Variants in TSPAN18 observed in about 807,000 individuals in gnomAD.
TSPAN18 encodes tetraspanin 18.
A neutral mutation model predicts 27.3 loss-of-function variants in TSPAN18; 14 were observed. The observed-to-expected ratio is 0.51, with a 90% CI of 0.34 to 0.80. The LOEUF is 0.80. TSPAN18 is among the 30% of genes least tolerant of loss of function. TSPAN18 has a pLI of 0.01. For missense variants in TSPAN18, 268 were observed against 323.9 expected (o/e 0.83, Z 1.32); for synonymous variants, 143 against 136.5 (o/e 1.05, Z -0.33).
At chr11:44,874,813 T>A (rs1024744342) in intron 3 of TSPAN18, among the ~76,000 whole-genome samples, 4 of 152,192 alleles carry the variant, frequency 2.6e-5, no homozygotes, top group Non-Finnish European at 5.9e-5. Context: ...TTTGAGGATC[T>A]TCCAGCCCTC....
chr11:44,927,791 CCT>C (rs1860423944), intron 9 of TSPAN18, among the ~76,000 whole-genome samples: 1 of 152,164 alleles, frequency 6.6e-6, no homozygotes, highest in Non-Finnish European at 1.5e-5. Flanking sequence ...CCCAGCTCTG[CCT>C]CTCTCCAAAT....
intron 3 of TSPAN18, among the ~76,000 whole-genome samples, chr11:44,891,919 T>C (rs1295070588): frequency 6.6e-6 from 1 of 151,590 alleles, no homozygotes; most frequent in African/African-American, 2.4e-5. Flanking sequence ...GAATCAAGAG[T>C]GTTATGGTGT....
chr11:44,806,337 T>A (rs1355864389), intron 2 of TSPAN18, among the ~76,000 whole-genome samples: 1 of 152,158 alleles, frequency 6.6e-6, no homozygotes, highest in African/African-American at 2.4e-5. Flanking sequence ...GCCTGGCCAA[T>A]ATTTAAAGCA....
intron 1 of TSPAN18, among the ~76,000 whole-genome samples, chr11:44,741,843 G>GC (rs1183294120): frequency 6.6e-6 from 1 of 152,204 alleles, no homozygotes; most frequent in Non-Finnish European, 1.5e-5. Flanking sequence ...CTGGTGCTGG[G>GC]CATGGGAACG....
intron 2 of TSPAN18, among the ~76,000 whole-genome samples, chr11:44,771,584 A>AGATAGGATATCAGGATATATATCT (rs1187823988): frequency 1.3e-5 from 2 of 152,242 alleles, no homozygotes; most frequent in African/African-American, 4.8e-5. Context: ...CTGGATATAC[A>AGATAGGATATCAGGATATATATCT]GATAGGATAT....
chr11:44,892,150 A>G (rs989473247), intron 3 of TSPAN18, among the ~76,000 whole-genome samples: 1 of 152,056 alleles, frequency 6.6e-6, no homozygotes, highest in African/African-American at 2.4e-5. Context: ...TGCTTATACC[A>G]TCTCCCAGAA....
At chr11:44,880,505 C>T (rs1858460429) in intron 3 of TSPAN18, among the ~76,000 whole-genome samples, 3 of 152,210 alleles carry the variant, frequency 2.0e-5, no homozygotes, top group Admixed American at 2.0e-4. Context: ...TCTCCTGGCA[C>T]ATGGGGCATA....
chr11:44,856,437 C>T (rs919617570), intron 2 of TSPAN18, among the ~76,000 whole-genome samples: 1 of 152,144 alleles, frequency 6.6e-6, no homozygotes, highest in Admixed American at 6.5e-5. Context: ...GGTCTCTCTG[C>T]CTATAGTGCC....
At chr11:44,846,618 C>G (rs372015399) in intron 2 of TSPAN18, among the ~76,000 whole-genome samples, 2 of 81,156 alleles carry the variant, frequency 2.5e-5, no homozygotes, top group African/African-American at 4.2e-5. Flanking sequence ...GTGTGTGTGT[C>G]TATGTGTCTA....
chr11:44,765,777 G>T (rs1855555360), intron 2 of TSPAN18, among the ~76,000 whole-genome samples: 1 of 152,202 alleles, frequency 6.6e-6, no homozygotes, highest in Non-Finnish European at 1.5e-5. Flanking sequence ...TCTCTCTGAA[G>T]TTCCATGTCC....
chr11:44,739,580 C>T (rs369963395), intron 1 of TSPAN18, among the ~76,000 whole-genome samples: 32 of 152,306 alleles, frequency 2.1e-4, no homozygotes, highest in African/African-American at 6.3e-4. Context: ...GCTGAAATTA[C>T]GCCAATGCAT....
chr11:44,747,693 C>A (rs918194791), intron 1 of TSPAN18, among the ~76,000 whole-genome samples: 2 of 152,126 alleles, frequency 1.3e-5, no homozygotes, highest in Admixed American at 6.6e-5. Flanking sequence ...CTCCTCCCCC[C>A]TCCCGTCTCT....
At chr11:44,800,381 C>A (rs750797136) in intron 2 of TSPAN18, among the ~76,000 whole-genome samples, 33 of 152,148 alleles carry the variant, frequency 2.2e-4, no homozygotes, top group Admixed American at 6.5e-4. Context: ...GTTGGAGCCT[C>A]TTCTGCCTCA....
intron 3 of TSPAN18, among the ~76,000 whole-genome samples, chr11:44,892,404 C>G (rs141672659): frequency 0.016 from 2,505 of 152,322 alleles, 34 homozygotes; most frequent in Middle Eastern, 0.048. Flanking sequence ...GAGGTGGACG[C>G]TAGTGTCCTC....
At chr11:44,734,129 C>T (rs965969945) in intron 1 of TSPAN18, among the ~76,000 whole-genome samples, 2 of 152,180 alleles carry the variant, frequency 1.3e-5, no homozygotes, top group Admixed American at 6.5e-5. Context: ...CATGCCAGCT[C>T]CCCTTCACCT....
intron 3 of TSPAN18, among the ~76,000 whole-genome samples, chr11:44,864,103 A>G (rs1025638481): frequency 1.3e-5 from 2 of 151,952 alleles, no homozygotes; most frequent in African/African-American, 4.8e-5. Context: ...CCTGGCCAAC[A>G]TAGTGAAACC....
intron 2 of TSPAN18, among the ~76,000 whole-genome samples, chr11:44,833,346 C>T (rs1384493060): frequency 1.3e-5 from 2 of 152,076 alleles, no homozygotes; most frequent in East Asian, 3.9e-4. Flanking sequence ...GACAAAGCCC[C>T]TACCTCTGAG....
At chr11:44,772,744 C>T (rs558387134) in intron 2 of TSPAN18, among the ~76,000 whole-genome samples, 2 of 152,132 alleles carry the variant, frequency 1.3e-5, no homozygotes, top group African/African-American at 2.4e-5. Flanking sequence ...CTGCAACTTC[C>T]GCCTCCCCGG....
intron 8 of TSPAN18, chr11:44,926,308 A>T (rs1860352150): frequency 4.9e-6 from 1 of 205,586 alleles, no homozygotes; most frequent in Non-Finnish European, 9.9e-6. Flanking sequence ...TGCTGATGTG[A>T]AAAGGAATAG....
Sources: gnomAD v4.1 joint callset for allele counts (sites outside exome capture counted in the v4.1 genomes callset) on GRCh38, gnomAD v4.1.1 for gene constraint, MANE v1.5 for transcripts, NCBI Gene and HGNC (gene_info 2026-07-23, HGNC 2026-07-21) for gene names.